GALNTL6: variants seen among roughly 807,000 people sequenced by gnomAD.
GALNTL6 encodes the protein polypeptide N-acetylgalactosaminyltransferase-like 6.
In GALNTL6, 46 loss-of-function variants were observed where a neutral mutation model predicts 73.7. That is an observed-to-expected ratio of 0.62 (90% confidence interval 0.49 to 0.80). The LOEUF (loss-of-function observed/expected upper bound fraction) is 0.80, where lower values mean the gene tolerates loss of function less well. Ranked by LOEUF, GALNTL6 falls within the 30% of genes least tolerant of loss-of-function variation. The pLI, the probability that GALNTL6 is intolerant of heterozygous loss-of-function variation, is 0.00. For synonymous variants in GALNTL6, 259 were observed against 263.7 expected (o/e 0.98, Z 0.17); for missense variants, 604 against 755.0 (o/e 0.80, Z 2.34).
chr4:172,281,213 C>A (rs894114096), intron 3 of GALNTL6, among the ~76,000 whole-genome samples: 1 of 152,044 alleles, frequency 6.6e-6, no homozygotes, highest in Non-Finnish European at 1.5e-5. Context: ...CCTTACAGTT[C>A]CGGAAGTGAG....
At chr4:172,329,302 T>A (rs1419742676) in intron 4 of GALNTL6, among the ~76,000 whole-genome samples, 1 of 151,910 alleles carries the variant, frequency 6.6e-6, no homozygotes, top group Non-Finnish European at 1.5e-5. Context: ...CAGCAGGGGG[T>A]GGCTGGAGAC....
At chr4:172,133,559 T>C (rs1332492229) in intron 2 of GALNTL6, among the ~76,000 whole-genome samples, 2 of 152,202 alleles carry the variant, frequency 1.3e-5, no homozygotes, top group African/African-American at 2.4e-5. Flanking sequence ...TGGGTTTGTG[T>C]TGAAACTATG....
At chr4:171,906,177 ACC>A (rs1737270123) in intron 2 of GALNTL6, among the ~76,000 whole-genome samples, 1 of 149,868 alleles carries the variant, frequency 6.7e-6, no homozygotes, top group South Asian at 2.1e-4. Context: ...GACACAAAAA[ACC>A]CTTCAAAAAA....
intron 3 of GALNTL6, among the ~76,000 whole-genome samples, chr4:172,297,425 T>C (rs1293573781): frequency 6.6e-6 from 1 of 152,152 alleles, no homozygotes; most frequent in African/African-American, 2.4e-5. Flanking sequence ...CATGAAGTCC[T>C]TGCCCATGCC....
intron 2 of GALNTL6, among the ~76,000 whole-genome samples, chr4:171,841,149 G>T (rs147591091): frequency 9.0e-4 from 137 of 152,238 alleles, no homozygotes; most frequent in Middle Eastern, 3.4e-3. Context: ...CTTTCCTACT[G>T]TGTTATCTTT....
chr4:172,388,908 A>G (rs1401946779), intron 5 of GALNTL6, among the ~76,000 whole-genome samples: 4 of 152,084 alleles, frequency 2.6e-5, no homozygotes, highest in Non-Finnish European at 5.9e-5. Flanking sequence ...AAAAATAAGC[A>G]ACCAGAAAAG....
At chr4:172,698,729 T>C (rs927327359) in intron 5 of GALNTL6, among the ~76,000 whole-genome samples, 5 of 152,134 alleles carry the variant, frequency 3.3e-5, no homozygotes, top group Admixed American at 6.6e-5. Flanking sequence ...AAGTCCAGTT[T>C]CCTAAGGAGG....
chr4:172,597,599 A>T (rs547224155), intron 5 of GALNTL6, among the ~76,000 whole-genome samples: 2 of 152,180 alleles, frequency 1.3e-5, no homozygotes, highest in Non-Finnish European at 2.9e-5. Flanking sequence ...GTGAAATTCT[A>T]GTCAGGTAGG....
intron 5 of GALNTL6, among the ~76,000 whole-genome samples, chr4:172,438,811 C>T (rs1731729357): frequency 6.6e-6 from 1 of 151,960 alleles, no homozygotes; most frequent in South Asian, 2.1e-4. Context: ...TCATACTTCT[C>T]GACTTACCCA....
At chr4:172,085,565 A>G (rs1467766000) in intron 2 of GALNTL6, among the ~76,000 whole-genome samples, 1 of 152,100 alleles carries the variant, frequency 6.6e-6, no homozygotes, top group East Asian at 1.9e-4. Flanking sequence ...AAGAACATTA[A>G]CAAAATTATA....
intron 2 of GALNTL6, among the ~76,000 whole-genome samples, chr4:172,193,561 G>A (rs912094084): frequency 6.6e-6 from 1 of 151,538 alleles, no homozygotes; most frequent in Non-Finnish European, 1.5e-5. Context: ...GTAGATAAGT[G>A]GTGAATATGA....
intron 2 of GALNTL6, among the ~76,000 whole-genome samples, chr4:171,915,735 T>G (rs569480398): frequency 1.3e-5 from 2 of 152,256 alleles, no homozygotes; most frequent in Middle Eastern, 3.4e-3. Context: ...TCAAAAAAAG[T>G]AACAAGTAAA....
At chr4:172,967,577 C>T (rs563969788) in intron 10 of GALNTL6, among the ~76,000 whole-genome samples, 39 of 151,952 alleles carry the variant, frequency 2.6e-4, no homozygotes, top group Non-Finnish European at 5.0e-4. Context: ...TGCACTTTTG[C>T]CCAACTATAT....
At chr4:171,892,788 C>A (rs1446382350) in intron 2 of GALNTL6, among the ~76,000 whole-genome samples, 3 of 152,124 alleles carry the variant, frequency 2.0e-5, no homozygotes, top group Admixed American at 6.5e-5. Flanking sequence ...CCTCCAACTC[C>A]TGGTCTTAAG....
intron 2 of GALNTL6, among the ~76,000 whole-genome samples, chr4:172,102,047 A>G (rs1169559686): frequency 1.3e-5 from 2 of 152,154 alleles, no homozygotes; most frequent in South Asian, 2.1e-4. Context: ...CTGTTTTATA[A>G]AAGGTGAAAA....
At chr4:171,982,446 C>A (rs994896391) in intron 2 of GALNTL6, among the ~76,000 whole-genome samples, 10 of 152,106 alleles carry the variant, frequency 6.6e-5, no homozygotes, top group East Asian at 3.9e-4. Context: ...TACAGGCGCC[C>A]GCCACCACGC....
chr4:172,430,117 G>A (rs567207175), intron 5 of GALNTL6, among the ~76,000 whole-genome samples: 12 of 151,654 alleles, frequency 7.9e-5, no homozygotes, highest in East Asian at 3.9e-4. Context: ...GAAGTGAAAC[G>A]GAGAGAAAAT....
At chr4:171,866,336 A>C (rs1190546802) in intron 2 of GALNTL6, among the ~76,000 whole-genome samples, 1 of 152,094 alleles carries the variant, frequency 6.6e-6, no homozygotes, top group African/African-American at 2.4e-5. Flanking sequence ...TTACTTTTAT[A>C]TGATGATATC....
chr4:172,804,881 T>A (rs368937773), intron 5 of GALNTL6, among the ~76,000 whole-genome samples: 2 of 152,286 alleles, frequency 1.3e-5, no homozygotes, highest in East Asian at 1.9e-4. Flanking sequence ...TGAGTTTGTT[T>A]TTTGACTAGC....
Sources: allele counts gnomAD v4.1 joint callset (sites outside exome capture counted in the v4.1 genomes callset), GRCh38; gene constraint gnomAD v4.1.1; transcripts MANE v1.5; gene names NCBI Gene and HGNC (gene_info 2026-07-23, HGNC 2026-07-21).